The following RGS22 variants were observed in gnomAD, a reference collection of about 807,000 sequenced individuals.
RGS22 encodes the protein regulator of G-protein signaling 22.
Under a neutral mutation model 172.9 loss-of-function variants are expected in RGS22, and 148 were observed. The observed-to-expected ratio is 0.86, with a 90% CI of 0.75 to 0.98. The LOEUF is 0.98. Among genes scored for constraint, RGS22 ranks in the 50% least tolerant of loss-of-function variants. The pLI is 0.00. For synonymous variants in RGS22, 458 were observed against 480.2 expected (o/e 0.95, Z 0.60); for missense variants, 1,347 against 1,440.8 (o/e 0.93, Z 1.05).
At chr8:100,024,296 T>C (rs1175821257) in intron 14 of RGS22, among the ~76,000 whole-genome samples, 4 of 152,212 alleles carry the variant, frequency 2.6e-5, no homozygotes, top group East Asian at 1.9e-4. Context: ...ATGTTGATCA[T>C]TGCTGAAGCT....
intron 2 of RGS22, 74 bp from the exon 3 acceptor site, chr8:100,093,583 C>A: frequency 1.0e-6 from 1 of 997,948 alleles, no homozygotes. Context: ...TTCTCTATTT[C>A]TGCTACGAAT....
intron 10 of RGS22, among the ~76,000 whole-genome samples, chr8:100,047,985 G>A (rs894730890): frequency 6.6e-6 from 1 of 151,896 alleles, no homozygotes; most frequent in Non-Finnish European, 1.5e-5. Context: ...GGGTGTCAGC[G>A]GTCACAGGGC....
chr8:100,096,794 C>A (rs1813012983), intron 2 of RGS22, among the ~76,000 whole-genome samples: 1 of 150,314 alleles, frequency 6.7e-6, no homozygotes, highest in South Asian at 2.1e-4. Flanking sequence ...CAAGCATGAG[C>A]CAACACACCC....
At chr8:100,074,091 C>G (rs1042665743) in intron 4 of RGS22, among the ~76,000 whole-genome samples, 2 of 151,916 alleles carry the variant, frequency 1.3e-5, no homozygotes, top group African/African-American at 2.4e-5. Context: ...GGTTAAGAAA[C>G]AAAAAGGGAT....
chr8:100,004,136 C>A, intron 16 of RGS22, 38 bp from the exon 17 acceptor site: 1 of 1,535,578 alleles, frequency 6.5e-7, no homozygotes. Flanking sequence ...ATCTCTTAAA[C>A]ACAACAGATT....
rs752649715 is a variant in RGS22, at chr8:99,962,777, AATAAAAGAG to A, written c.3710-19_3710-11del. ...GTGAGAGGTTGCAAGCCTGCACAAA[AATAAAAGAG>A]ATAAGAAAAACAGTAAAGTAAATAT... On this transcript the variant is annotated splice_polypyrimidine_tract_variant and intron_variant, in intron 25 of 27. Coordinates refer to ENST00000360863, the MANE Select transcript of RGS22 (RefSeq NM_015668.5). The A allele has an allele frequency of 1.1e-5, 18 of 1,595,218 alleles. No individual in the cohort carries two copies. In the African/African-American group the frequency reaches 2.0e-4, roughly 18 times the overall value.
intron 14 of RGS22, among the ~76,000 whole-genome samples, chr8:100,031,649 A>T (rs996006966): frequency 6.6e-6 from 1 of 152,006 alleles, no homozygotes; most frequent in Non-Finnish European, 1.5e-5. Context: ...AAATATCATT[A>T]TGTATGCTAT....
intron 20 of RGS22, among the ~76,000 whole-genome samples, chr8:99,991,050 CAG>C (rs904799220): frequency 6.6e-6 from 1 of 152,156 alleles, no homozygotes; most frequent in African/African-American, 2.4e-5. Context: ...AACTAACAAA[CAG>C]AAAGGAACAG....
At chr8:99,995,741 C>T (rs1011813593) in intron 20 of RGS22, among the ~76,000 whole-genome samples, 8 of 152,192 alleles carry the variant, frequency 5.3e-5, no homozygotes, top group African/African-American at 1.7e-4. Context: ...TACCATTTGA[C>T]TCAGCAATCC....
Position 99,965,371 on chromosome 8 carries a change from A to G in RGS22, c.3579T>C (p.Ser1193=), listed in dbSNP as rs1445374004. The G allele has an allele frequency of 6.2e-7, 1 of 1,613,800 alleles. No individual in the cohort carries two copies. The highest frequency in any genetic ancestry group is 1.1e-5 in the South Asian group (1 of 91,034). Residue 1193 remains serine (S), a synonymous_variant, in exon 24 of 28, where the codon AGT becomes AGC. Transcript: ENST00000360863. ...SVPAIKTALL[S]DSFLGLQPYG... is the part of the protein sequence containing the mutation. The stretch of plus-strand genomic sequence containing the variant: ...ATGGTTGGAGGCCTAGGAAGGAATC[A>G]CTGAGTAAAGCAGTTTTGATAGCAG...
At chr8:99,961,733 G>A (rs1484230436) in intron 27 of RGS22, among the ~76,000 whole-genome samples, 1 of 152,138 alleles carries the variant, frequency 6.6e-6, no homozygotes, top group East Asian at 1.9e-4. Context: ...GCTGGCCTGA[G>A]GGGTGGAGAA....
intron 2 of RGS22, among the ~76,000 whole-genome samples, chr8:100,098,854 A>ATTTTATTTTATT (rs59580013): frequency 4.2e-4 from 9 of 21,504 alleles, no homozygotes; most frequent in African/African-American, 1.8e-3. Context: ...TATTTATTTT[A>ATTTTATTTTATT]TTATTTTATT....
rs536625965 is a variant in RGS22, at chr8:100,055,595, C to A, written c.1515-2619G>T. Among the ~76,000 whole-genome samples the A allele has an allele frequency of 2.0e-5, 3 of 152,154 alleles. No homozygotes were observed. In the East Asian group the frequency reaches 5.8e-4, roughly 29 times the overall value. ...GCTCTGTGTCCCCACCCAAATCTCA[C>A]CTTGAATTATAATTCCCACGTGTCA... On this transcript the variant is annotated intron_variant, in intron 9 of 27. Coordinates refer to ENST00000360863, the MANE Select transcript of RGS22 (RefSeq NM_015668.5).
At chr8:99,967,337 T>TC (rs1810852952) in intron 23 of RGS22, among the ~76,000 whole-genome samples, 1 of 150,794 alleles carries the variant, frequency 6.6e-6, no homozygotes, top group African/African-American at 2.5e-5. Context: ...GAGTTTGTTT[T>TC]TTTTTTTTGT....
At chr8:100,033,164 G>T (rs1318096389) in intron 14 of RGS22, among the ~76,000 whole-genome samples, 1 of 152,054 alleles carries the variant, frequency 6.6e-6, no homozygotes, top group Non-Finnish European at 1.5e-5. Context: ...AAATACTTAA[G>T]ATCAGAGCAG....
chr8:99,988,781 T>C (rs1452684700), intron 20 of RGS22, among the ~76,000 whole-genome samples: 1 of 152,164 alleles, frequency 6.6e-6, no homozygotes, highest in Non-Finnish European at 1.5e-5. Context: ...TGAATGGTGG[T>C]GCCATTAACC....
At position 99,987,554 on chromosome 8, in the gene RGS22, A is replaced by T; in HGVS notation, c.3084T>A (p.Asn1028Lys). The T allele has an allele frequency of 6.2e-7, 1 of 1,611,830 alleles. No individual in the cohort carries two copies. Among genetic ancestry groups the T allele is most frequent in the Non-Finnish European group, 8.5e-7 (1 of 1,178,886 alleles). ...GTTGAAATTGTCTTGAAGTAACTGGATTCAATAATGCTTTGCGAAAAGCAA... is the reference window on the plus strand; with the variant it reads ...GTTGAAATTGTCTTGAAGTAACTGGTTTCAATAATGCTTTGCGAAAAGCAA... Reference protein sequence around the residue: ...KIIAFRKALLNPVTSRQFQRF... With the variant: ...KIIAFRKALLKPVTSRQFQRF... Residue 1028 changes from asparagine (N) to lysine (K), a missense_variant, in exon 21 of 28, where the codon AAT becomes AAA. Transcript: ENST00000360863.
At position 100,105,442 on chromosome 8, in the gene RGS22, T is replaced by C. The variant is rs762597210; in HGVS notation, c.26-40A>G. On this transcript the variant is annotated intron_variant, in intron 1 of 27. Coordinates refer to ENST00000360863, the MANE Select transcript of RGS22 (RefSeq NM_015668.5). ...AATATTACATTATCTCCCTCAAATC[T>C]GATTTCCTTTGAGTAAATGAAATCA... The C allele has an allele frequency of 1.1e-5, 17 of 1,536,740 alleles. No homozygotes were observed. In the South Asian group the frequency reaches 1.9e-4, roughly 17 times the overall value.
At chr8:100,055,844 A>G (rs1039047782) in intron 9 of RGS22, among the ~76,000 whole-genome samples, 1 of 152,116 alleles carries the variant, frequency 6.6e-6, no homozygotes, top group Non-Finnish European at 1.5e-5. Flanking sequence ...TATATTACCC[A>G]GTCTCGGGTA....
Sources: allele counts gnomAD v4.1 joint callset (sites outside exome capture counted in the v4.1 genomes callset), GRCh38; gene constraint gnomAD v4.1.1; transcripts MANE v1.5; gene names NCBI Gene and HGNC (gene_info 2026-07-23, HGNC 2026-07-21).